GDI2: variants seen among roughly 807,000 people sequenced by gnomAD.
The protein encoded by GDI2 is GDP dissociation inhibitor 2, also known as rab GDP dissociation inhibitor beta.
Under a neutral mutation model 54.2 loss-of-function variants are expected in GDI2, and 22 were observed. That is an observed-to-expected ratio of 0.41 (90% CI 0.29 to 0.58). The LOEUF (loss-of-function observed/expected upper bound fraction) is 0.58. Among genes scored for constraint, GDI2 ranks in the 20% least tolerant of loss-of-function variants. The pLI is 0.35. For synonymous variants in GDI2, 177 were observed against 182.1 expected, an observed-to-expected ratio of 0.97 and a Z score of 0.23; for missense variants, 422 against 546.0, an observed-to-expected ratio of 0.77 and a Z score of 2.26.
intron 1 of GDI2, among the ~76,000 whole-genome samples, chr10:5,812,775 G>C (rs1302397899): frequency 6.6e-6 from 1 of 152,212 alleles, no homozygotes; most frequent in Non-Finnish European, 1.5e-5. Flanking sequence ...GACTGACCCG[G>C]GGCAGCGGCC....
In GDI2 at chr10:5,780,219, AAC is replaced by A. The variant is rs1475215083; in HGVS notation, c.719+4921_719+4922del. Among the ~76,000 whole-genome samples, 689 of 69,282 alleles carry A rather than the reference AAC, an allele frequency of 9.9e-3. 8 individuals carry two copies. The highest frequency in any genetic ancestry group is 0.027 in the African/African-American group (665 of 24,662). The allele number at this position is 69,282 out of a possible 152,430, so 45.5% of individuals were successfully genotyped here. A position where few individuals can be genotyped will look rare whatever the true frequency, so the allele number is the denominator to read the frequency against. On this transcript the variant is annotated intron_variant, in intron 6 of 10. Transcript: ENST00000380191. The stretch of plus-strand genomic sequence containing the variant: ...GTAAGATCGTGTCTCCAAAAAAAAA[AAC>A]AAACAAACAAACAAACAAAAAAACA...
intron 6 of GDI2, among the ~76,000 whole-genome samples, chr10:5,780,183 T>C (rs1564391214): frequency 2.0e-5 from 3 of 147,974 alleles, no homozygotes. Context: ...CACTCTAGCA[T>C]GGGTGACAGA....
chr10:5,795,914 CCT>C (rs890136088), intron 3 of GDI2, among the ~76,000 whole-genome samples: 1 of 150,152 alleles, frequency 6.7e-6, no homozygotes, highest in African/African-American at 2.4e-5. Context: ...GAGTGAAACC[CCT>C]GTCTCTAAAA....
intron 1 of GDI2, chr10:5,812,000 TAATA>T (rs1366906907): frequency 3.6e-6 from 2 of 556,002 alleles, no homozygotes; most frequent in Admixed American, 4.7e-5. Flanking sequence ...TGAGAGATTA[TAATA>T]AATTTCAAAA....
chr10:5,768,482 C>G lies in GDI2; in HGVS notation c.820-98G>C. The G allele has an allele frequency of 1.3e-6, 1 of 743,332 alleles. No individual in the cohort carries two copies. Among genetic ancestry groups the G allele is most frequent in the Non-Finnish European group, 2.2e-6 (1 of 449,144 alleles). 46.0% of individuals were successfully genotyped at this position (743,332 alleles called of 1,614,324 possible). A position where few individuals can be genotyped will look rare whatever the true frequency, so the allele number is the denominator to read the frequency against. ...GGAAGACTTAGTATTGTTAAGATAT[C>G]AAAAACCATCCTCAAGTTCATATTG... On this transcript the variant is annotated intron_variant, in intron 7 of 10. Transcript: ENST00000380191. The surrounding 1 kb of genome is among the most constrained non-coding windows in gnomAD (Gnocchi z 4.4).
chr10:5,802,076 GA>G (rs1841282871), intron 1 of GDI2, among the ~76,000 whole-genome samples: 1 of 152,120 alleles, frequency 6.6e-6, no homozygotes. Flanking sequence ...CATTGTGTGT[GA>G]AAAAATGGGA....
intron 1 of GDI2, among the ~76,000 whole-genome samples, chr10:5,801,757 T>C (rs1841274095): frequency 6.6e-6 from 1 of 152,090 alleles, no homozygotes; most frequent in Admixed American, 6.5e-5. Flanking sequence ...ACACCTGCAA[T>C]CCCAGCACTT....
chr10:5,771,047 T>C (rs1299842701), intron 7 of GDI2, among the ~76,000 whole-genome samples: 1 of 146,918 alleles, frequency 6.8e-6, no homozygotes, highest in Admixed American at 6.8e-5. Context: ...AAAAGACTAA[T>C]ATTCAGTGTC....
At position 5,794,985 on chromosome 10, in the gene GDI2, T is replaced by C. The variant is rs753019123; in HGVS notation, c.288A>G (p.Val96=). 1.3e-6 allele frequency: 2 copies of C among 1,592,378 alleles called. No homozygotes were observed. Among genetic ancestry groups the C allele is most frequent in the Non-Finnish European group, 1.7e-6 (2 of 1,160,266 alleles). ...TCACTTTAAAATCCAGATAGCGAGT[T>C]ACCTCTGTATAAAGCAGCATCTTAA... ...QLVKMLLYTE[V]TRYLDFKVTE... Residue 96 remains valine (V), a synonymous_variant, in exon 4 of 11, where the codon GTA becomes GTG. Transcript: ENST00000380191.
rs936785775 is a variant in GDI2, at chr10:5,785,378, GTTTT to G, written c.588-109_588-106del. ...ATTTCAATCCGCTATCTTCTTTTTT[GTTTT>G]TTTGTTTTTTGAGACAGGGTCTCAC... On this transcript the variant is annotated intron_variant, in intron 5 of 10. Transcript: ENST00000380191. 8.3e-6 allele frequency: 7 copies of G among 845,178 alleles called. No individual in the cohort carries two copies. In the African/African-American group the frequency reaches 1.2e-4, roughly 15 times the overall value. 52.4% of individuals were successfully genotyped at this position (845,178 alleles called of 1,614,324 possible).
At chr10:5,770,893 G>C (rs1840473692) in intron 7 of GDI2, among the ~76,000 whole-genome samples, 1 of 146,942 alleles carries the variant, frequency 6.8e-6, no homozygotes, top group Admixed American at 6.9e-5. Context: ...TTGAACCTAG[G>C]AGGCAGAGGT....
chr10:5,813,419 C>G lies in GDI2; in HGVS notation c.-161G>C, dbSNP rs566408864. The G allele has an allele frequency of 6.9e-6, 2 of 289,672 alleles. No homozygotes were observed. The highest frequency in any genetic ancestry group is 1.4e-5 in the Non-Finnish European group (2 of 147,602). 17.9% of individuals were successfully genotyped at this position (289,672 alleles called of 1,614,324 possible). A position where few individuals can be genotyped will look rare whatever the true frequency, so the allele number is the denominator to read the frequency against. The stretch of plus-strand genomic sequence containing the variant: ...AGGCGAGACCGACCGCCACCTCAGA[C>G]GGGAAGAGAAGAACTGGGCGGGGAG... On this transcript the variant is annotated 5_prime_UTR_variant, in exon 1 of 11. Transcript: ENST00000380191.
At chr10:5,778,949 T>C (rs1840688643) in intron 6 of GDI2, among the ~76,000 whole-genome samples, 1 of 152,194 alleles carries the variant, frequency 6.6e-6, no homozygotes, top group African/African-American at 2.4e-5. Context: ...TATCAATTCA[T>C]GTGTCCAGTA....
chr10:5,813,049 G>T (rs1283862645), intron 1 of GDI2, among the ~76,000 whole-genome samples, 165 bp downstream of exon 1: 1 of 152,098 alleles, frequency 6.6e-6, no homozygotes, highest in East Asian at 1.9e-4. Context: ...CGGGACGCGG[G>T]GCGCCCCTGA....
At chr10:5,813,066 C>T (rs1588994582) in intron 1 of GDI2, 148 bp downstream of exon 1, 1 of 514,550 alleles carries the variant, frequency 1.9e-6, no homozygotes, top group East Asian at 3.5e-5. Context: ...CTGAACCCGC[C>T]CGCGCCCCTA....
chr10:5,808,693 T>C (rs559602016), intron 1 of GDI2, among the ~76,000 whole-genome samples: 23 of 128,250 alleles, frequency 1.8e-4, no homozygotes, highest in Admixed American at 4.8e-4. Context: ...AGTATTGTTG[T>C]TATTAAAAAA....
chr10:5,778,094 A>G (rs546867912), intron 6 of GDI2, among the ~76,000 whole-genome samples: 2 of 152,242 alleles, frequency 1.3e-5, no homozygotes, highest in East Asian at 3.9e-4. Flanking sequence ...ATGACAACAC[A>G]TGGACACAGG....
chr10:5,768,428 T>C lies in GDI2; in HGVS notation c.820-44A>G, dbSNP rs1840409132. On this transcript the variant is annotated intron_variant, in intron 7 of 10. Coordinates refer to ENST00000380191, the MANE Select transcript of GDI2 (RefSeq NM_001494.4). The surrounding 1 kb of genome is among the most constrained non-coding windows in gnomAD (Gnocchi z 4.4). ...GAAGACACTGAAGCGGACAAGGATATAGGGAAACACATCCCATGTTCATAG... is the reference window on the plus strand; with the variant it reads ...GAAGACACTGAAGCGGACAAGGATACAGGGAAACACATCCCATGTTCATAG... 9.6e-6 allele frequency: 12 copies of C among 1,244,808 alleles called. No homozygotes were observed. Among genetic ancestry groups the C allele is most frequent in the Non-Finnish European group, 1.4e-5 (12 of 850,296 alleles). The allele number at this position is 1,244,808 out of a possible 1,614,324, so 77.1% of individuals were successfully genotyped here. A position where few individuals can be genotyped will look rare whatever the true frequency, so the allele number is the denominator to read the frequency against.
intron 4 of GDI2, among the ~76,000 whole-genome samples, chr10:5,791,445 A>G (rs1049950415): frequency 6.6e-6 from 1 of 152,190 alleles, no homozygotes; most frequent in African/African-American, 2.4e-5. Context: ...CCCGGTCTCT[A>G]CTAAAACATA....
Sources: gnomAD v4.1 joint callset for allele counts (sites outside exome capture counted in the v4.1 genomes callset) on GRCh38, gnomAD v4.1.1 for gene constraint, Gnocchi (gnomAD v3.1) non-coding constraint, MANE v1.5 for transcripts, NCBI Gene and HGNC (gene_info 2026-07-23, HGNC 2026-07-21) for gene names.